Variants in MYO1H observed in about 807,000 individuals in gnomAD.
MYO1H encodes the protein myosin IH.
A neutral mutation model predicts 149.3 loss-of-function variants in MYO1H; 118 were observed. The ratio of observed to expected loss-of-function variants is 0.79; its 90% CI spans 0.68 to 0.92. MYO1H has a LOEUF of 0.92. Among genes scored for constraint, MYO1H ranks in the 40% least tolerant of loss-of-function variants. MYO1H has a pLI of 0.00. For missense variants in MYO1H, 1,212 were observed against 1,280.7 expected (o/e 0.95, Z 0.82); for synonymous variants, 447 against 465.2 (o/e 0.96, Z 0.50).
rs571041527 is a variant in MYO1H at position 109,371,595 on chromosome 12, T to C, written c.13-17088T>C. 2.1e-4 allele frequency among the ~76,000 whole-genome samples: 32 copies of C among 152,342 alleles called. No homozygotes were observed. In the South Asian group the frequency reaches 3.7e-3, roughly 18 times the overall value. ...GGTCTTTCATTGGATGCATGAACCA[T>C]AATTTAATTTACCTGTTTCCTATTG... On this transcript the variant is annotated intron_variant, in intron 1 of 31. Transcript: ENST00000310903.
At chr12:109,444,110 G>C in intron 28 of MYO1H, 103 bp from the exon 29 acceptor site, 2 of 856,722 alleles carry the variant, frequency 2.3e-6, no homozygotes, top group Non-Finnish European at 4.0e-6. Context: ...CCAGCTAGGA[G>C]AATGAAGTGT....
At chr12:109,425,667 T>TG (rs1302339204) in intron 17 of MYO1H, among the ~76,000 whole-genome samples, 23 of 152,304 alleles carry the variant, frequency 1.5e-4, no homozygotes, top group Admixed American at 3.9e-4. Context: ...GGGGCAGAAC[T>TG]GGTTCCTGCT....
chr12:109,361,119 C>A (rs1030598202), intron 1 of MYO1H, among the ~76,000 whole-genome samples: 4 of 152,170 alleles, frequency 2.6e-5, no homozygotes, highest in Admixed American at 2.6e-4. Flanking sequence ...TGTCCCAATT[C>A]TTTTCTTGGA....
At chr12:109,342,862 T>C in the MYO1H span, among the ~76,000 whole-genome samples, 4 of 151,978 alleles carry the variant, frequency 2.6e-5, no homozygotes, top group Non-Finnish European at 4.4e-5. Flanking sequence ...TTTCAAAGCT[T>C]GGTGGTTAGG....
At chr12:109,436,381 G>C (rs1871858114) in intron 21 of MYO1H, 107 bp from the exon 22 acceptor site, 3 of 747,550 alleles carry the variant, frequency 4.0e-6, no homozygotes, top group African/African-American at 1.7e-5. Context: ...CTACACCACA[G>C]GACTTTGATG....
At chr12:109,315,688 A>C in the MYO1H span, among the ~76,000 whole-genome samples, 1 of 152,236 alleles carries the variant, frequency 6.6e-6, no homozygotes, top group African/African-American at 2.4e-5. Context: ...GGCTGGTCCC[A>C]GGGTTTTCAG....
chr12:109,318,964 TTGG>T, the MYO1H span, among the ~76,000 whole-genome samples: 15,858 of 67,244 alleles, frequency 0.24, 2,031 homozygotes, highest in African/African-American at 0.42. Context: ...CTCTGCGTTT[TTGG>T]TTTTGTTTTT....
chr12:109,390,203 CT>C (rs1317526913), intron 2 of MYO1H, among the ~76,000 whole-genome samples: 3 of 148,062 alleles, frequency 2.0e-5, no homozygotes, highest in Non-Finnish European at 4.5e-5. Flanking sequence ...TTAGCGTAAT[CT>C]TTTTTTCTTT....
At chr12:109,413,317 A>G (rs1188565473) in intron 14 of MYO1H, among the ~76,000 whole-genome samples, 3 of 152,128 alleles carry the variant, frequency 2.0e-5, no homozygotes, top group Admixed American at 1.3e-4. Context: ...TTTCCCTGCT[A>G]TACAAGATGG....
At chr12:109,371,257 C>T (rs140249982) in intron 1 of MYO1H, among the ~76,000 whole-genome samples, 1 of 143,646 alleles carries the variant, frequency 7.0e-6, no homozygotes, top group African/African-American at 2.5e-5. Context: ...ACTCTGCTAC[C>T]CAGGCTGGAG....
chr12:109,447,259 T>C (rs1872524817), exon 32 of MYO1H: 2 of 1,275,112 alleles, frequency 1.6e-6, no homozygotes, highest in African/African-American at 2.9e-5. Context: ...GGGGATTGGA[T>C]CCAGTTAGCT....
chr12:109,383,872 T>C (rs1260149366), intron 1 of MYO1H, among the ~76,000 whole-genome samples: 3 of 152,202 alleles, frequency 2.0e-5, no homozygotes. Flanking sequence ...TTAGATTATG[T>C]AGAAGATGAT....
chr12:109,409,497 A>G, intron 10 of MYO1H, 60 bp from the exon 11 acceptor site: 1 of 1,431,018 alleles, frequency 7.0e-7, no homozygotes, highest in Non-Finnish European at 9.9e-7. Context: ...GAGCAGCAAC[A>G]GTTTTGAGTA....
At chr12:109,394,227 AT>A (rs550725407) in intron 3 of MYO1H, among the ~76,000 whole-genome samples, 48 of 152,196 alleles carry the variant, frequency 3.2e-4, no homozygotes, top group Admixed American at 6.5e-4. Context: ...TCCAAACACC[AT>A]GTTTCCTTCT....
intron 13 of MYO1H, 80 bp downstream of exon 13, chr12:109,410,848 AG>A: frequency 9.8e-7 from 1 of 1,021,592 alleles, no homozygotes; most frequent in Non-Finnish European, 1.5e-6. Flanking sequence ...AGGCTTAAAA[AG>A]GGTTGAGCCA....
At chr12:109,346,426 A>G (rs2048102681), upstream of MYO1H, among the ~76,000 whole-genome samples, 1 of 152,216 alleles carries the variant, frequency 6.6e-6, no homozygotes, top group Non-Finnish European at 1.5e-5. Flanking sequence ...CGTGATTTAT[A>G]TTTCAATTAA....
chr12:109,355,207 T>C (rs940457297), intron 1 of MYO1H, among the ~76,000 whole-genome samples: 2 of 152,126 alleles, frequency 1.3e-5, no homozygotes, highest in Non-Finnish European at 2.9e-5. Context: ...GTTTTCTGTC[T>C]CTGGTGGTCT....
chr12:109,389,943 A>C (rs1869571552), intron 2 of MYO1H, among the ~76,000 whole-genome samples: 1 of 152,150 alleles, frequency 6.6e-6, no homozygotes. Flanking sequence ...CATAATTATC[A>C]CCCTTAATTG....
chr12:109,370,566 G>A (rs147561983), intron 1 of MYO1H, among the ~76,000 whole-genome samples: 5 of 152,278 alleles, frequency 3.3e-5, no homozygotes, highest in East Asian at 1.9e-4. Flanking sequence ...CCCAGTTACC[G>A]GGCTCTGTGC....
Sources: allele counts gnomAD v4.1 joint callset (sites outside exome capture counted in the v4.1 genomes callset), GRCh38; gene constraint gnomAD v4.1.1; transcripts MANE v1.5; gene names NCBI Gene and HGNC (gene_info 2026-07-23, HGNC 2026-07-21).